Variants in OMA1 observed in about 807,000 individuals in gnomAD.
OMA1 encodes metalloendopeptidase OMA1, mitochondrial.
A neutral mutation model predicts 30.9 loss-of-function variants in OMA1; 38 were observed. The ratio of observed to expected loss-of-function variants is 1.23; its 90% CI spans 0.95 to 1.61. The LOEUF is 1.61. OMA1 is among the 40% of genes most tolerant of loss of function. The pLI is 0.00. For synonymous variants in OMA1, 173 were observed against 121.9 expected, an observed-to-expected ratio of 1.42 and a Z score of -2.76; for missense variants, 461 against 349.2, an observed-to-expected ratio of 1.32 and a Z score of -2.55.
Position 58,534,187 on chromosome 1 carries a change from A to C in OMA1, c.874T>G (p.Ser292Ala). The stretch of plus-strand genomic sequence containing the variant: ...AGCACGAAGGCATTAATAATTGGGG[A>C]ATCAACCACATGAATAACCCAATTG... ...QINWVIHVVD[S>A]PIINAFVLPN... The change falls in exon 4 of 9, where the codon TCC (serine) becomes GCC (alanine). Residue 292 changes from serine (S) to alanine (A), a missense_variant. By Grantham distance (99) the Ser-to-Ala change is moderately conservative. Coordinates refer to ENST00000371226, the MANE Select transcript of OMA1 (RefSeq NM_145243.5). 1 of 871,710 alleles carries C rather than the reference A, an allele frequency of 1.1e-6. No individual in the cohort carries two copies. Among genetic ancestry groups the C allele is most frequent in the African/African-American group, 1.6e-5 (1 of 61,418 alleles). The allele number at this position is 871,710 out of a possible 1,614,324, so 54.0% of individuals were successfully genotyped here.
At chr1:58,523,000 T>TAAGTTGTAAATACAA (rs1646290990) in intron 7 of OMA1, among the ~76,000 whole-genome samples, 1 of 152,188 alleles carries the variant, frequency 6.6e-6, no homozygotes, top group Non-Finnish European at 1.5e-5. Flanking sequence ...CTTTGTAATT[T>TAAGTTGTAAATACAA]CTGTTGTAAA....
At chr1:58,538,319 A>T (rs753529005) in intron 2 of OMA1, among the ~76,000 whole-genome samples, 15 of 152,242 alleles carry the variant, frequency 9.9e-5, no homozygotes, top group Non-Finnish European at 1.8e-4. Flanking sequence ...TAATGACTTA[A>T]GAGTTAACTA....
At chr1:58,535,212 T>C (rs1355320113) in intron 3 of OMA1, among the ~76,000 whole-genome samples, 1 of 152,184 alleles carries the variant, frequency 6.6e-6, no homozygotes, top group African/African-American at 2.4e-5. Flanking sequence ...TTTCTGAAGT[T>C]ATATTCATGA....
intron 8 of OMA1, among the ~76,000 whole-genome samples, chr1:58,486,782 T>A (rs1374610039): frequency 1.3e-5 from 2 of 152,040 alleles, no homozygotes; most frequent in Admixed American, 1.3e-4. Flanking sequence ...CCTAAAGAAC[T>A]GAGGGAAGAA....
At chr1:58,503,393 A>C (rs1426321336) in intron 8 of OMA1, among the ~76,000 whole-genome samples, 3 of 152,166 alleles carry the variant, frequency 2.0e-5, no homozygotes, top group Non-Finnish European at 4.4e-5. Flanking sequence ...AGGAATAATT[A>C]CTACATATTA....
At chr1:58,530,019 T>C (rs1646409785) in intron 6 of OMA1, among the ~76,000 whole-genome samples, 1 of 152,002 alleles carries the variant, frequency 6.6e-6, no homozygotes, top group Non-Finnish European at 1.5e-5. Flanking sequence ...TAGCTGAGAC[T>C]ACAGGCGCCC....
intron 7 of OMA1, among the ~76,000 whole-genome samples, chr1:58,511,083 T>C (rs114219987): frequency 0.027 from 4,181 of 152,258 alleles, 71 homozygotes; most frequent in Non-Finnish European, 0.043. Flanking sequence ...GAGATCTCTA[T>C]GAAAATCCCA....
intron 1 of OMA1, 171 bp downstream of exon 1, chr1:58,546,532 C>T (rs1199917076): frequency 6.7e-6 from 1 of 148,346 alleles, no homozygotes; most frequent in Non-Finnish European, 1.5e-5. Flanking sequence ...AGCCTTATCG[C>T]CCACCCACGC....
intron 8 of OMA1, among the ~76,000 whole-genome samples, chr1:58,504,770 G>T (rs569960857): frequency 1.3e-5 from 2 of 151,940 alleles, no homozygotes; most frequent in African/African-American, 2.4e-5. Context: ...ACTGCATACC[G>T]TTTTTATTTT....
intron 8 of OMA1, among the ~76,000 whole-genome samples, chr1:58,495,370 G>T (rs1351859001): frequency 6.6e-6 from 1 of 152,024 alleles, no homozygotes; most frequent in Non-Finnish European, 1.5e-5. Context: ...GTATATATAT[G>T]TAACACACCT....
chr1:58,481,121 AGGGTCT>A lies in OMA1; in HGVS notation c.1413_1418del (p.Asp472_Pro473del). 1.1e-6 allele frequency: 1 copy of A among 871,922 alleles called. No homozygotes were observed. Among genetic ancestry groups the A allele is most frequent in the South Asian group, 1.3e-5 (1 of 76,504 alleles). The allele number at this position is 871,922 out of a possible 1,614,324, so 54.0% of individuals were successfully genotyped here. ...TCGTGCTGAGTTTGAATAGTAATCG[AGGGTCT>A]GGATTAGACAGTGGTGGACAATTAC... is the stretch of plus-strand genomic sequence containing the variant. On this transcript the variant is annotated inframe_deletion, in exon 9 of 9. Coordinates refer to ENST00000371226, the MANE Select transcript of OMA1 (RefSeq NM_145243.5).
At chr1:58,510,744 A>T (rs12080357) in intron 7 of OMA1, among the ~76,000 whole-genome samples, 23,043 of 152,094 alleles carry the variant, frequency 0.15, 1,834 homozygotes, top group Middle Eastern at 0.23. Flanking sequence ...ACAAAAAAAA[A>T]CCCTGCTAGA....
In OMA1 at chr1:58,546,251, G is replaced by C. The variant is rs560321372; in HGVS notation, c.-17+452C>G. On this transcript the variant is annotated intron_variant, in intron 1 of 8. Transcript: ENST00000371226. ...TGAAGAGGGAAGGGGTGAAAGAGAC[G>C]AATGCCCGACGCGCCGGGAGGCGGT... Among the ~76,000 whole-genome samples, 4 of 152,332 alleles carry C rather than the reference G, an allele frequency of 2.6e-5. No individual in the cohort carries two copies. The East Asian group carries it at 7.7e-4, about 29-fold the overall frequency.
At chr1:58,529,676 A>G (rs983428412) in intron 6 of OMA1, among the ~76,000 whole-genome samples, 10 of 152,186 alleles carry the variant, frequency 6.6e-5, no homozygotes, top group African/African-American at 2.4e-4. Context: ...GGCTCTCTAT[A>G]TCTGTGGATT....
At chr1:58,510,123 C>G (rs1646050834) in intron 7 of OMA1, among the ~76,000 whole-genome samples, 1 of 145,062 alleles carries the variant, frequency 6.9e-6, no homozygotes, top group Non-Finnish European at 1.5e-5. Context: ...AAAACACTTC[C>G]AAACTCATTT....
chr1:58,501,645 G>C (rs914837358), intron 8 of OMA1, among the ~76,000 whole-genome samples: 6 of 152,146 alleles, frequency 3.9e-5, no homozygotes, highest in African/African-American at 1.2e-4. Context: ...TCAAGTGTCA[G>C]CTTCTCAATG....
intron 8 of OMA1, among the ~76,000 whole-genome samples, chr1:58,483,857 T>G (rs1485263607): frequency 6.6e-6 from 1 of 152,164 alleles, no homozygotes; most frequent in Non-Finnish European, 1.5e-5. Flanking sequence ...TAATTTTCTT[T>G]CCCAAGTGAG....
intron 3 of OMA1, among the ~76,000 whole-genome samples, chr1:58,535,653 G>A (rs1646505319): frequency 6.6e-6 from 1 of 151,156 alleles, no homozygotes; most frequent in East Asian, 1.9e-4. Context: ...GAGGCTACTG[G>A]ACATGAATTC....
chr1:58,517,419 C>T (rs1180182379), intron 7 of OMA1, among the ~76,000 whole-genome samples: 2 of 152,174 alleles, frequency 1.3e-5, no homozygotes, highest in Non-Finnish European at 2.9e-5. Flanking sequence ...AACACTACAC[C>T]TATCAACATC....
Sources: allele counts gnomAD v4.1 joint callset (sites outside exome capture counted in the v4.1 genomes callset), GRCh38; gene constraint gnomAD v4.1.1; transcripts MANE v1.5; gene names NCBI Gene and HGNC (gene_info 2026-07-23, HGNC 2026-07-21).